Variants in RGS6 observed in about 807,000 individuals in gnomAD.
The protein encoded by RGS6 is regulator of G protein signaling 6.
In RGS6, 30 loss-of-function variants were observed where a neutral mutation model predicts 78.5. The ratio of observed to expected loss-of-function variants is 0.38; its 90% confidence interval spans 0.29 to 0.52. The LOEUF is 0.52. Among genes scored for constraint, RGS6 ranks in the 20% least tolerant of loss-of-function variants. The probability of loss-of-function intolerance (pLI) is 0.85; values close to 1 mark genes in which losing one functional copy is unlikely to be tolerated. For synonymous variants in RGS6, 206 were observed against 206.0 expected, an observed-to-expected ratio of 1.00 and a Z score of 0.00; for missense variants, 495 against 609.7, an observed-to-expected ratio of 0.81 and a Z score of 1.98.
chr14:72,033,320 A>G (rs2091201473), intron 2 of RGS6, among the ~76,000 whole-genome samples: 2 of 152,192 alleles, frequency 1.3e-5, no homozygotes, highest in Middle Eastern at 6.8e-3. Flanking sequence ...TGCAGCCTCA[A>G]TCCCCTGGGC....
chr14:71,969,941 G>C (rs2093709905), intron 2 of RGS6, among the ~76,000 whole-genome samples: 1 of 152,164 alleles, frequency 6.6e-6, no homozygotes, highest in Admixed American at 6.6e-5. Flanking sequence ...TTGAGCTTTT[G>C]AAGAAATATT....
intron 2 of RGS6, among the ~76,000 whole-genome samples, chr14:72,265,831 T>G (rs1001061455): frequency 2.0e-5 from 3 of 152,016 alleles, no homozygotes; most frequent in Admixed American, 2.0e-4. Context: ...AAGCCTCCCT[T>G]TTCTGCTCCC....
chr14:72,127,540 GT>G (rs2096226994), intron 2 of RGS6, among the ~76,000 whole-genome samples: 1 of 152,062 alleles, frequency 6.6e-6, no homozygotes, highest in Non-Finnish European at 1.5e-5. Flanking sequence ...AAAATGTAAA[GT>G]AATAAAAATA....
chr14:72,362,861 A>T (rs116575782), intron 3 of RGS6, among the ~76,000 whole-genome samples: 120 of 152,344 alleles, frequency 7.9e-4, no homozygotes, highest in African/African-American at 2.8e-3. Flanking sequence ...TTACCATAAC[A>T]ATCTACCACA....
chr14:72,236,683 C>T (rs2283407), intron 2 of RGS6, among the ~76,000 whole-genome samples: 68,196 of 151,654 alleles, frequency 0.45, 15,590 homozygotes, highest in Middle Eastern at 0.59. Flanking sequence ...GTGGAGGGGC[C>T]GGGCAGAGGC....
intron 2 of RGS6, among the ~76,000 whole-genome samples, chr14:72,177,586 T>A (rs558798677): frequency 6.6e-6 from 1 of 152,302 alleles, no homozygotes; most frequent in African/African-American, 2.4e-5. Flanking sequence ...TAGATTTAAG[T>A]AATGGAAAGA....
the RGS6 span, among the ~76,000 whole-genome samples, chr14:72,614,032 G>C: frequency 6.6e-6 from 1 of 152,112 alleles, no homozygotes; most frequent in Non-Finnish European, 1.5e-5. Flanking sequence ...GCCTCCCTAG[G>C]AAGGGGTTCC....
chr14:72,510,485 G>A (rs2096865284), intron 14 of RGS6, among the ~76,000 whole-genome samples: 1 of 152,202 alleles, frequency 6.6e-6, no homozygotes, highest in South Asian at 2.1e-4. Context: ...ACACCAGCAT[G>A]TTTCAGTTCA....
chr14:72,083,850 A>C (rs1300475477), intron 2 of RGS6, among the ~76,000 whole-genome samples: 1 of 152,144 alleles, frequency 6.6e-6, no homozygotes, highest in Non-Finnish European at 1.5e-5. Context: ...TTAAACATTG[A>C]TTGCCCATCA....
chr14:72,152,264 GT>G (rs2096704964), intron 2 of RGS6, among the ~76,000 whole-genome samples: 23 of 152,124 alleles, frequency 1.5e-4, no homozygotes, highest in East Asian at 1.2e-3. Flanking sequence ...GTGTGTGTGT[GT>G]GTGTGTGTGC....
At chr14:72,334,750 C>G (rs1210676219) in intron 2 of RGS6, among the ~76,000 whole-genome samples, 1 of 152,100 alleles carries the variant, frequency 6.6e-6, no homozygotes, top group Non-Finnish European at 1.5e-5. Flanking sequence ...CCAGATGAGA[C>G]TCTCCCCCTA....
intron 2 of RGS6, among the ~76,000 whole-genome samples, chr14:72,220,565 C>T (rs561755493): frequency 7.4e-4 from 113 of 152,256 alleles, no homozygotes; most frequent in African/African-American, 2.6e-3. Context: ...GAAGTGCCTA[C>T]TGAAGGCAGC....
chr14:71,989,473 T>C (rs973571556), intron 2 of RGS6, among the ~76,000 whole-genome samples: 35 of 152,394 alleles, frequency 2.3e-4, no homozygotes, highest in African/African-American at 8.4e-4. Flanking sequence ...TAATTTCTTC[T>C]AGCACTCTGC....
intron 3 of RGS6, among the ~76,000 whole-genome samples, chr14:72,432,979 C>T (rs758490567): frequency 5.3e-5 from 8 of 152,108 alleles, no homozygotes; most frequent in Non-Finnish European, 1.0e-4. Flanking sequence ...GTCATAGGTC[C>T]GTGTTGTAGC....
At position 72,034,200 on chromosome 14, in the gene RGS6, G is replaced by A. The variant is rs535522482; in HGVS notation, c.84+69325G>A. Among the ~76,000 whole-genome samples, 26 of 152,210 alleles carry A rather than the reference G, an allele frequency of 1.7e-4. No individual in the cohort carries two copies. In the South Asian group the frequency reaches 3.7e-3, roughly 22 times the overall value. ...CTAATTGCTTGGGTTAGGACTTCTAGTACTATGTTGACGAGAAGTGGCAGG... is the reference window on the plus strand; with the variant it reads ...CTAATTGCTTGGGTTAGGACTTCTAATACTATGTTGACGAGAAGTGGCAGG... On this transcript the variant is annotated intron_variant, in intron 2 of 17. Transcript: ENST00000553525.
At chr14:72,368,154 T>G (rs1413391471) in intron 3 of RGS6, among the ~76,000 whole-genome samples, 1 of 152,156 alleles carries the variant, frequency 6.6e-6, no homozygotes, top group African/African-American at 2.4e-5. Flanking sequence ...GGTGCCAGCA[T>G]CTAATGAGGG....
At chr14:72,504,964 G>A (rs1303128842) in intron 13 of RGS6, among the ~76,000 whole-genome samples, 1 of 113,040 alleles carries the variant, frequency 8.8e-6, no homozygotes, top group African/African-American at 3.5e-5. Flanking sequence ...TTTTAGTAGA[G>A]ACGGAGTTTT....
intron 2 of RGS6, among the ~76,000 whole-genome samples, chr14:72,142,359 A>G (rs185827167): frequency 6.6e-6 from 1 of 151,892 alleles, no homozygotes; most frequent in East Asian, 1.9e-4. Context: ...TTAATAAGGC[A>G]TCCCAAGCAG....
intron 2 of RGS6, among the ~76,000 whole-genome samples, chr14:72,235,830 C>T (rs1222319041): frequency 3.3e-5 from 5 of 152,168 alleles, no homozygotes; most frequent in Non-Finnish European, 5.9e-5. Flanking sequence ...TCAAATAAGG[C>T]TTTAACATAG....
Sources: gnomAD v4.1 joint callset for allele counts (sites outside exome capture counted in the v4.1 genomes callset) on GRCh38, gnomAD v4.1.1 for gene constraint, MANE v1.5 for transcripts, NCBI Gene and HGNC (gene_info 2026-07-23, HGNC 2026-07-21) for gene names.